The following STIM2 variants were observed in gnomAD, a reference collection of about 807,000 sequenced individuals.
STIM2 encodes stromal interaction molecule 2.
In STIM2, 31 loss-of-function variants were observed where a neutral mutation model predicts 85.8. The ratio of observed to expected loss-of-function variants is 0.36; its 90% CI spans 0.27 to 0.49. STIM2 has a LOEUF of 0.49. Ranked by LOEUF, STIM2 falls within the 20% of genes least tolerant of loss-of-function variation. STIM2 has a pLI of 0.98. For synonymous variants in STIM2, 356 were observed against 331.1 expected (o/e 1.08, Z -0.82); for missense variants, 841 against 927.6 (o/e 0.91, Z 1.21).
At position 27,013,196 on chromosome 4, in the gene STIM2, T is replaced by C. The variant is rs191033471; in HGVS notation, c.1489+4194T>C. ...GGTTTTGCTTTTCATGGTTTCTAGT[T>C]ACCTGTGGTCAACTGTGGTCTGAAA... On this transcript the variant is annotated intron_variant, in intron 10 of 11. Coordinates refer to ENST00000467087, the MANE Select transcript of STIM2 (RefSeq NM_020860.4). Among the ~76,000 whole-genome samples, 14 of 150,516 alleles carry C rather than the reference T, an allele frequency of 9.3e-5. No individual in the cohort carries two copies. The East Asian group carries it at 1.6e-3, about 17-fold the overall frequency.
At chr4:26,936,496 A>G (rs547089796) in intron 2 of STIM2, among the ~76,000 whole-genome samples, 14 of 152,284 alleles carry the variant, frequency 9.2e-5, no homozygotes, top group African/African-American at 3.4e-4. Flanking sequence ...CTGATTTATT[A>G]TTGGGGGTTC....
At chr4:26,976,509 C>G (rs979705344) in intron 3 of STIM2, among the ~76,000 whole-genome samples, 5 of 151,170 alleles carry the variant, frequency 3.3e-5, no homozygotes, top group African/African-American at 1.2e-4. Context: ...AAATCAGACT[C>G]ACCTGCTTTC....
At chr4:26,909,830 C>T (rs976873054) in intron 1 of STIM2, among the ~76,000 whole-genome samples, 7 of 152,156 alleles carry the variant, frequency 4.6e-5, no homozygotes, top group Non-Finnish European at 5.9e-5. Flanking sequence ...AAAGCTCTTC[C>T]GCTGCTCTGT....
intron 1 of STIM2, chr4:26,873,633 T>G (rs900947346): frequency 2.7e-5 from 16 of 590,678 alleles, no homozygotes; most frequent in Non-Finnish European, 3.8e-5. Flanking sequence ...GCAGGGCACT[T>G]CCTTAGTCAT....
intron 1 of STIM2, among the ~76,000 whole-genome samples, chr4:26,885,705 T>C (rs1322341972): frequency 6.6e-6 from 1 of 151,188 alleles, no homozygotes; most frequent in Non-Finnish European, 1.5e-5. Flanking sequence ...CTTTCAGATA[T>C]ACAAATTGTT....
At chr4:26,936,757 T>C (rs1371724942) in intron 2 of STIM2, among the ~76,000 whole-genome samples, 2 of 152,194 alleles carry the variant, frequency 1.3e-5, no homozygotes, top group Non-Finnish European at 2.9e-5. Context: ...AATCATTTCA[T>C]AGTATGGAGC....
intron 2 of STIM2, among the ~76,000 whole-genome samples, chr4:26,932,523 C>T (rs754847463): frequency 2.6e-5 from 4 of 152,220 alleles, no homozygotes; most frequent in Middle Eastern, 3.4e-3. Flanking sequence ...AATTGAACAT[C>T]GTTTGCTAAA....
At chr4:26,893,217 A>G (rs947438997) in intron 1 of STIM2, among the ~76,000 whole-genome samples, 3 of 152,194 alleles carry the variant, frequency 2.0e-5, no homozygotes, top group Admixed American at 6.5e-5. Context: ...CCTTCAGGTC[A>G]TGAAATAGAA....
At chr4:26,879,634 A>T (rs943202567) in intron 1 of STIM2, among the ~76,000 whole-genome samples, 1 of 152,198 alleles carries the variant, frequency 6.6e-6, no homozygotes, top group African/African-American at 2.4e-5. Flanking sequence ...AGGACTATGT[A>T]AGTATCATGC....
chr4:26,861,098 C>T lies in STIM2; in HGVS notation c.-121C>T. The T allele has an allele frequency of 8.4e-7, 1 of 1,197,564 alleles. No individual in the cohort carries two copies. Among genetic ancestry groups the T allele is most frequent in the Non-Finnish European group, 1.0e-6 (1 of 967,650 alleles). The allele number at this position is 1,197,564 out of a possible 1,614,324, so 74.2% of individuals were successfully genotyped here. ...CGGTGGTGGCGCCTCGCGGAGCCGG[C>T]GAGCTGCAGGCGGCCGGGGCGCCGC... is the stretch of plus-strand genomic sequence containing the variant. On this transcript the variant is annotated 5_prime_UTR_variant, in exon 1 of 12. Transcript: ENST00000467087.
intron 1 of STIM2, among the ~76,000 whole-genome samples, chr4:26,889,744 C>T (rs895773848): frequency 1.3e-5 from 2 of 152,118 alleles, no homozygotes; most frequent in Non-Finnish European, 2.9e-5. Flanking sequence ...ATGGCCTCTT[C>T]GTTCATGACA....
At chr4:26,875,296 G>T (rs1156637968) in intron 1 of STIM2, among the ~76,000 whole-genome samples, 3 of 152,054 alleles carry the variant, frequency 2.0e-5, no homozygotes, top group African/African-American at 7.2e-5. Context: ...ATGCACATAT[G>T]CCGGTCCTCT....
At chr4:26,913,663 C>T (rs1361932832) in intron 1 of STIM2, among the ~76,000 whole-genome samples, 1 of 152,148 alleles carries the variant, frequency 6.6e-6, no homozygotes, top group Non-Finnish European at 1.5e-5. Flanking sequence ...CAAATTATTT[C>T]TTGAAAAGCT....
intron 3 of STIM2, among the ~76,000 whole-genome samples, chr4:26,968,475 C>T (rs1271871899): frequency 6.6e-6 from 1 of 152,110 alleles, no homozygotes; most frequent in Non-Finnish European, 1.5e-5. Context: ...TAGTCAGAAT[C>T]ATAGAGACAG....
chr4:26,875,532 G>C (rs1330389606), intron 1 of STIM2, among the ~76,000 whole-genome samples: 4 of 152,118 alleles, frequency 2.6e-5, no homozygotes, highest in Non-Finnish European at 5.9e-5. Context: ...TAGTAAAGGA[G>C]TAGGAAGCCT....
intron 1 of STIM2, among the ~76,000 whole-genome samples, chr4:26,894,924 A>T (rs1292756404): frequency 3.3e-5 from 5 of 152,164 alleles, no homozygotes; most frequent in Non-Finnish European, 1.5e-5. Context: ...TTTGATAATT[A>T]TTTCTGGCCG....
intron 2 of STIM2, among the ~76,000 whole-genome samples, chr4:26,933,695 T>C (rs1725283604): frequency 7.1e-6 from 1 of 140,026 alleles, no homozygotes; most frequent in African/African-American, 2.7e-5. Flanking sequence ...AGCTAAGGAG[T>C]TGGAGACTAG....
chr4:26,953,996 G>A (rs1251657177), intron 2 of STIM2, among the ~76,000 whole-genome samples: 1 of 151,990 alleles, frequency 6.6e-6, no homozygotes, highest in Non-Finnish European at 1.5e-5. Context: ...TGTGGTTATG[G>A]ATGATAGATT....
At chr4:26,867,703 A>T (rs1373080174) in intron 1 of STIM2, among the ~76,000 whole-genome samples, 1 of 152,246 alleles carries the variant, frequency 6.6e-6, no homozygotes, top group Non-Finnish European at 1.5e-5. Flanking sequence ...CTAATGCCAA[A>T]TCTAAAAGGT....
Sources: gnomAD v4.1 joint callset for allele counts (sites outside exome capture counted in the v4.1 genomes callset) on GRCh38, gnomAD v4.1.1 for gene constraint, MANE v1.5 for transcripts, NCBI Gene and HGNC (gene_info 2026-07-23, HGNC 2026-07-21) for gene names.